Variants in DPP10 observed in about 807,000 individuals in gnomAD.
DPP10 encodes the protein dipeptidyl peptidase like 10.
Under a neutral mutation model 120.9 loss-of-function variants are expected in DPP10, and 33 were observed. That is an observed-to-expected ratio of 0.27 (90% CI 0.21 to 0.37). The LOEUF (loss-of-function observed/expected upper bound fraction) is 0.37. Among genes scored for constraint, DPP10 ranks in the 10% least tolerant of loss-of-function variants. DPP10 has a pLI of 1.00. For missense variants in DPP10, 816 were observed against 942.8 expected, an observed-to-expected ratio of 0.87 and a Z score of 1.76; for synonymous variants, 337 against 326.1, an observed-to-expected ratio of 1.03 and a Z score of -0.36.
intron 1 of DPP10, among the ~76,000 whole-genome samples, chr2:114,885,375 C>T (rs187550796): frequency 5.3e-5 from 8 of 152,218 alleles, no homozygotes; most frequent in Non-Finnish European, 1.0e-4. Flanking sequence ...GAAACACACT[C>T]CCATGATCAA....
intron 3 of DPP10, among the ~76,000 whole-genome samples, chr2:115,358,982 G>T (rs2106342201): frequency 6.6e-6 from 1 of 152,292 alleles, no homozygotes; most frequent in Non-Finnish European, 1.5e-5. Flanking sequence ...GGCACATGGA[G>T]ATTATGGAAA....
chr2:115,811,596 A>T (rs1686655316), intron 19 of DPP10, among the ~76,000 whole-genome samples: 1 of 152,220 alleles, frequency 6.6e-6, no homozygotes, highest in Admixed American at 6.5e-5. Context: ...AATGTGTCAT[A>T]CGTAGATTGG....
chr2:115,029,519 A>G (rs1703698525), intron 1 of DPP10, among the ~76,000 whole-genome samples: 2 of 151,474 alleles, frequency 1.3e-5, no homozygotes, highest in South Asian at 4.2e-4. Flanking sequence ...TAATAGTGGT[A>G]TATTTTCTCA....
chr2:114,601,624 T>C (rs1200662794), intron 1 of DPP10, among the ~76,000 whole-genome samples: 1 of 151,986 alleles, frequency 6.6e-6, no homozygotes, highest in South Asian at 2.1e-4. Flanking sequence ...ATAAGTATGC[T>C]GCAGGGCTGA....
At chr2:115,394,215 C>G (rs1574693698) in intron 3 of DPP10, among the ~76,000 whole-genome samples, 1 of 151,876 alleles carries the variant, frequency 6.6e-6, no homozygotes, top group South Asian at 2.1e-4. Flanking sequence ...ACTAGTAGAG[C>G]CTTAGTGTCT....
chr2:115,800,761 T>C (rs1290312881), intron 19 of DPP10, among the ~76,000 whole-genome samples: 8 of 152,306 alleles, frequency 5.3e-5, no homozygotes, highest in Admixed American at 5.2e-4. Flanking sequence ...TACGGCATTA[T>C]TTCTGAGGCT....
intron 1 of DPP10, among the ~76,000 whole-genome samples, chr2:115,057,491 C>T (rs1462293724): frequency 6.6e-6 from 1 of 152,146 alleles, no homozygotes; most frequent in Non-Finnish European, 1.5e-5. Context: ...GTACTAAACC[C>T]ATTAACATGA....
intron 1 of DPP10, among the ~76,000 whole-genome samples, chr2:115,193,599 A>G (rs774533545): frequency 6.6e-6 from 1 of 152,170 alleles, no homozygotes; most frequent in East Asian, 1.9e-4. Context: ...TTTGCTATTA[A>G]TAAGCCCTCA....
intron 1 of DPP10, among the ~76,000 whole-genome samples, chr2:114,478,857 C>T (rs934719623): frequency 6.6e-5 from 10 of 152,012 alleles, no homozygotes; most frequent in Non-Finnish European, 1.2e-4. Flanking sequence ...TTTGTGTATA[C>T]TTAATAAAGC....
At chr2:115,057,612 TG>T (rs1446132022) in intron 1 of DPP10, among the ~76,000 whole-genome samples, 1 of 152,218 alleles carries the variant, frequency 6.6e-6, no homozygotes. Flanking sequence ...TTTGGTCTTT[TG>T]CTTCGTTTTT....
intron 1 of DPP10, among the ~76,000 whole-genome samples, chr2:115,162,427 C>T (rs986843536): frequency 2.6e-5 from 4 of 152,188 alleles, no homozygotes; most frequent in Admixed American, 2.0e-4. Context: ...GGTTCGAGCC[C>T]CGTCCTCCTA....
intron 1 of DPP10, among the ~76,000 whole-genome samples, chr2:114,480,361 T>C (rs1384187756): frequency 1.3e-5 from 2 of 152,094 alleles, no homozygotes; most frequent in Non-Finnish European, 2.9e-5. Context: ...ACTGGGTATA[T>C]ACCCAAAGGA....
intron 1 of DPP10, among the ~76,000 whole-genome samples, chr2:115,204,565 C>G (rs2055985061): frequency 6.6e-6 from 1 of 152,168 alleles, no homozygotes; most frequent in East Asian, 1.9e-4. Context: ...TGTTACCACC[C>G]TCATTTTAGA....
At chr2:115,762,223 T>C (rs184474173) in intron 11 of DPP10, among the ~76,000 whole-genome samples, 21 of 152,336 alleles carry the variant, frequency 1.4e-4, no homozygotes, top group Admixed American at 9.2e-4. Context: ...TTAATAATTT[T>C]GTCTCCCAAT....
intron 7 of DPP10, among the ~76,000 whole-genome samples, chr2:115,723,579 C>G (rs1454000132): frequency 6.8e-6 from 1 of 148,116 alleles, no homozygotes; most frequent in Non-Finnish European, 1.5e-5. Flanking sequence ...GCTCATTGCT[C>G]TCTGCAGGTT....
At chr2:114,999,308 G>A (rs1701290180) in intron 1 of DPP10, among the ~76,000 whole-genome samples, 2 of 152,150 alleles carry the variant, frequency 1.3e-5, no homozygotes, top group African/African-American at 4.8e-5. Flanking sequence ...TACAGCCCCT[G>A]CCATTATCTC....
rs922054542 is a variant in DPP10 at position 115,782,389 on chromosome 2, C to T, written c.1521C>T (p.Asp507=). 4 of 1,612,170 alleles carry T rather than the reference C, an allele frequency of 2.5e-6. No individual in the cohort carries two copies. Among genetic ancestry groups the T allele is most frequent in the Admixed American group, 1.7e-5 (1 of 59,970 alleles). The change falls in exon 17 of 26, where the codon GAC becomes GAT. Residue 507 remains aspartate (D), a synonymous_variant. Coordinates refer to ENST00000410059, the MANE Select transcript of DPP10 (RefSeq NM_020868.6). ...CAGTGGTCAGCCTACATAGTACGGA[C>T]AACCCAGCAAGTGAGTACACAAGAA... is the stretch of plus-strand genomic sequence containing the variant. ...RVPVVSLHST[D]NPAKYFILES... is the part of the protein sequence containing the mutation.
chr2:115,297,984 CTG>C (rs1203531382), intron 1 of DPP10, among the ~76,000 whole-genome samples: 2 of 152,046 alleles, frequency 1.3e-5, no homozygotes, highest in African/African-American at 2.4e-5. Flanking sequence ...TCTTTTCTCT[CTG>C]TGTTTGAGAT....
At chr2:114,584,556 C>A (rs1690796938) in intron 1 of DPP10, among the ~76,000 whole-genome samples, 1 of 117,744 alleles carries the variant, frequency 8.5e-6, no homozygotes, top group Admixed American at 1.0e-4. Flanking sequence ...TCCCCCCACC[C>A]CACAACAGGC....
Sources: allele counts gnomAD v4.1 joint callset (sites outside exome capture counted in the v4.1 genomes callset), GRCh38; gene constraint gnomAD v4.1.1; transcripts MANE v1.5; gene names NCBI Gene and HGNC (gene_info 2026-07-23, HGNC 2026-07-21).